CA8: variants seen among roughly 807,000 people sequenced by gnomAD.
The protein encoded by CA8 is carbonic anhydrase 8 (inactive).
In CA8, 22 loss-of-function variants were observed where a neutral mutation model predicts 41.4. The ratio of observed to expected loss-of-function variants is 0.53; its 90% CI spans 0.38 to 0.76. CA8 has a LOEUF of 0.76. Ranked by LOEUF, CA8 falls within the 30% of genes least tolerant of loss-of-function variation. The pLI, the probability that CA8 is intolerant of heterozygous loss-of-function variation, is 0.00. For missense variants in CA8, 270 were observed against 352.8 expected, an observed-to-expected ratio of 0.77 and a Z score of 1.88; for synonymous variants, 121 against 130.6, an observed-to-expected ratio of 0.93 and a Z score of 0.50.
intron 8 of CA8, among the ~76,000 whole-genome samples, chr8:60,194,543 CAG>C (rs1806224851): frequency 6.6e-6 from 1 of 152,172 alleles, no homozygotes; most frequent in East Asian, 1.9e-4. Context: ...TCCCCAAGTA[CAG>C]AGTCTCTCTC....
intron 3 of CA8, among the ~76,000 whole-genome samples, chr8:60,253,797 A>G (rs1288986522): frequency 6.6e-6 from 1 of 152,168 alleles, no homozygotes; most frequent in Non-Finnish European, 1.5e-5. Context: ...ACTCCTACTC[A>G]GTCATCAAGG....
chr8:60,259,705 G>A (rs1017178410), intron 3 of CA8, among the ~76,000 whole-genome samples: 6 of 149,582 alleles, frequency 4.0e-5, no homozygotes, highest in Non-Finnish European at 8.9e-5. Context: ...AAATGCAAGT[G>A]TTCATTAGAA....
intron 5 of CA8, 74 bp downstream of exon 5, chr8:60,226,799 C>G (rs1279215127): frequency 3.7e-6 from 3 of 805,560 alleles, no homozygotes; most frequent in Non-Finnish European, 4.4e-6. Context: ...TCTAACACAG[C>G]ATCGAGCCCG....
chr8:60,224,533 T>C lies in CA8; in HGVS notation c.625+4A>G, dbSNP rs1807359826. On this transcript the variant is annotated splice_donor_region_variant and intron_variant, in intron 6 of 8. Coordinates refer to ENST00000317995, the MANE Select transcript of CA8 (RefSeq NM_004056.6). ...TCATTTTATGCAATCAGGTAAATAC[T>C]CACCTGGTAATAAAGTGTTAGGATT... is the stretch of plus-strand genomic sequence containing the variant. The C allele has an allele frequency of 1.3e-6, 2 of 1,559,794 alleles. No individual in the cohort carries two copies. Among genetic ancestry groups the C allele is most frequent in the African/African-American group, 2.7e-5 (2 of 73,988 alleles).
chr8:60,270,961 G>A (rs1017392226), intron 2 of CA8, among the ~76,000 whole-genome samples: 7 of 152,048 alleles, frequency 4.6e-5, no homozygotes, highest in Non-Finnish European at 7.4e-5. Context: ...AGAGCAGGCC[G>A]GGCAAAGTGA....
Position 60,279,684 on chromosome 8 carries a change from A to T in CA8, c.292+5T>A. 6.2e-7 allele frequency: 1 copy of T among 1,613,008 alleles called. No homozygotes were observed. The highest frequency in any genetic ancestry group is 8.5e-7 in the Non-Finnish European group (1 of 1,178,964). On this transcript the variant is annotated splice_donor_5th_base_variant and intron_variant, in intron 2 of 8. Transcript: ENST00000317995. ...AAGACCACACAAACATATTTTCTAA[A>T]ATACCTGATTTTGACTTCAGGATAA...
chr8:60,223,042 T>C (rs1807305122), intron 6 of CA8, among the ~76,000 whole-genome samples: 1 of 152,184 alleles, frequency 6.6e-6, no homozygotes, highest in Admixed American at 6.5e-5. Flanking sequence ...ATATTTTGGG[T>C]TTTTTCACTT....
intron 7 of CA8, among the ~76,000 whole-genome samples, chr8:60,218,538 TA>T (rs111397949): frequency 6.6e-6 from 1 of 151,472 alleles, no homozygotes; most frequent in Non-Finnish European, 1.5e-5. Context: ...ATGAAAAGGA[TA>T]AAAAAAAGGA....
chr8:60,230,097 T>C (rs1207436342), intron 4 of CA8, among the ~76,000 whole-genome samples: 1 of 152,176 alleles, frequency 6.6e-6, no homozygotes, highest in African/African-American at 2.4e-5. Context: ...TATAAATAAT[T>C]TTGCTTTGTG....
intron 4 of CA8, among the ~76,000 whole-genome samples, chr8:60,231,619 T>C (rs750456167): frequency 6.6e-6 from 1 of 152,206 alleles, no homozygotes; most frequent in African/African-American, 2.4e-5. Context: ...AATTTCCAGA[T>C]ACTCTTTCAC....
chr8:60,257,121 G>A (rs535350839), intron 3 of CA8, among the ~76,000 whole-genome samples: 1 of 152,152 alleles, frequency 6.6e-6, no homozygotes, highest in East Asian at 1.9e-4. Context: ...GGGACTACAG[G>A]GGCCTGCCAC....
intron 3 of CA8, among the ~76,000 whole-genome samples, chr8:60,238,992 G>C (rs900992583): frequency 1.3e-5 from 2 of 152,160 alleles, no homozygotes; most frequent in African/African-American, 4.8e-5. Flanking sequence ...GGGAGAAAGA[G>C]ACAGAGAACT....
At chr8:60,248,520 G>A (rs6988169) in intron 3 of CA8, among the ~76,000 whole-genome samples, 72,026 of 152,044 alleles carry the variant, frequency 0.47, 19,787 homozygotes, top group African/African-American at 0.77. Flanking sequence ...TCCTTTCCCC[G>A]TTGCTTGTTT....
At chr8:60,245,146 C>T (rs1433960167) in intron 3 of CA8, among the ~76,000 whole-genome samples, 1 of 151,982 alleles carries the variant, frequency 6.6e-6, no homozygotes, top group African/African-American at 2.4e-5. Flanking sequence ...GGCCATGAGA[C>T]AATGCAAAGA....
At chr8:60,193,912 T>G (rs1458532640) in intron 8 of CA8, among the ~76,000 whole-genome samples, 2 of 152,208 alleles carry the variant, frequency 1.3e-5, no homozygotes, top group African/African-American at 2.4e-5. Context: ...CTCTAGCTTA[T>G]TACGTGGACG....
intron 2 of CA8, among the ~76,000 whole-genome samples, chr8:60,275,260 C>T (rs1366837607): frequency 6.6e-6 from 1 of 152,188 alleles, no homozygotes; most frequent in African/African-American, 2.4e-5. Flanking sequence ...TGATCTGCTT[C>T]CTAGACTCAT....
chr8:60,224,215 G>A (rs1206124930), intron 6 of CA8, among the ~76,000 whole-genome samples: 1 of 152,130 alleles, frequency 6.6e-6, no homozygotes, highest in East Asian at 1.9e-4. Context: ...CTGAGTAGCT[G>A]GGATTACAGG....
Position 60,265,895 on chromosome 8 carries a change from G to A in CA8, c.417+30C>T, listed in dbSNP as rs372211334. 22 of 1,611,752 alleles carry A rather than the reference G, an allele frequency of 1.4e-5. No homozygotes were observed. The African/African-American group carries it at 2.7e-4, about 20-fold the overall frequency. On this transcript the variant is annotated intron_variant, in intron 3 of 8. Transcript: ENST00000317995. Reference sequence around the variant, plus strand: ...GCTGAATACTTTATTCAGAAAACAAGATTTTTACAAGATGATTTGTTATTC... The same window carrying A: ...GCTGAATACTTTATTCAGAAAACAAAATTTTTACAAGATGATTTGTTATTC...
At chr8:60,238,577 C>T (rs759710987) in intron 3 of CA8, among the ~76,000 whole-genome samples, 1 of 150,958 alleles carries the variant, frequency 6.6e-6, no homozygotes, top group African/African-American at 2.5e-5. Flanking sequence ...AGACCTGGGA[C>T]CCCCGTGCCT....
Sources: gnomAD v4.1 joint callset for allele counts (sites outside exome capture counted in the v4.1 genomes callset) on GRCh38, gnomAD v4.1.1 for gene constraint, MANE v1.5 for transcripts, NCBI Gene and HGNC (gene_info 2026-07-23, HGNC 2026-07-21) for gene names.